EDEM1: variants seen among roughly 807,000 people sequenced by gnomAD.
The protein encoded by EDEM1 is ER degradation-enhancing alpha-mannosidase-like protein 1.
Under a neutral mutation model 74.4 loss-of-function variants are expected in EDEM1, and 67 were observed. That is an observed-to-expected ratio of 0.90 (90% CI 0.74 to 1.10). EDEM1 has a LOEUF of 1.10. Among genes scored for constraint, EDEM1 ranks in the 50% least tolerant of loss-of-function variants. The pLI is 0.00. For synonymous variants in EDEM1, 382 were observed against 335.9 expected (o/e 1.14, Z -1.50); for missense variants, 926 against 851.6 (o/e 1.09, Z -1.09).
chr3:5,199,720 T>G lies in EDEM1; in HGVS notation c.686+25T>G, dbSNP rs139392669. The G allele has an allele frequency of 1.4e-4, 220 of 1,571,518 alleles. 1 individual carries two copies. In the African/African-American group the frequency reaches 2.5e-3, roughly 18 times the overall value. On this transcript the variant is annotated intron_variant, in intron 3 of 11. Coordinates refer to ENST00000256497, the MANE Select transcript of EDEM1 (RefSeq NM_014674.3). ...GGTAAAATAATGAATATTCATAAAA[T>G]GAATTGGAGACTTCTTTTTATGTGT...
chr3:5,195,288 G>C lies in EDEM1; in HGVS notation c.582+7G>C. 1 of 1,528,704 alleles carries C rather than the reference G, an allele frequency of 6.5e-7. No individual in the cohort carries two copies. The highest frequency in any genetic ancestry group is 8.8e-7 in the Non-Finnish European group (1 of 1,133,024). The allele number at this position is 1,528,704 out of a possible 1,614,324, so 94.7% of individuals were successfully genotyped here. A position where few individuals can be genotyped will look rare whatever the true frequency, so the allele number is the denominator to read the frequency against. On this transcript the variant is annotated splice_region_variant and intron_variant, in intron 2 of 11. Coordinates refer to ENST00000256497, the MANE Select transcript of EDEM1 (RefSeq NM_014674.3). Reference sequence around the variant, plus strand: ...TGCATTGGATACACTTGCAGTAAGTGTTCACCTTTTTTTAAAAAAATGAAT... The same window carrying C: ...TGCATTGGATACACTTGCAGTAAGTCTTCACCTTTTTTTAAAAAAATGAAT...
At chr3:5,211,525 C>T (rs1336570125) in intron 10 of EDEM1, 3 of 303,154 alleles carry the variant, frequency 9.9e-6, no homozygotes, top group East Asian at 7.4e-5. Context: ...TCGGGGAAGA[C>T]GCCTCTGAGG....
chr3:5,188,124 C>A lies in EDEM1; in HGVS notation c.319C>A (p.Arg107=). 6.6e-7 allele frequency: 1 copy of A among 1,523,750 alleles called. No individual in the cohort carries two copies. The highest frequency in any genetic ancestry group is 8.8e-7 in the Non-Finnish European group (1 of 1,135,288). 94.4% of individuals were successfully genotyped at this position (1,523,750 alleles called of 1,614,324 possible). The change falls in exon 1 of 12, where the codon CGG becomes AGG. Residue 107 remains arginine, a synonymous_variant. Coordinates refer to ENST00000256497, the MANE Select transcript of EDEM1 (RefSeq NM_014674.3). ...CAACTGGGGCTACGTGCTGGGCGGC[C>A]GGGGCCGCGGCCCGGACGAGTACGA... ...PANWGYVLGG[R]GRGPDEYEKR... is the part of the protein sequence containing the mutation.
rs753471170 is a variant in EDEM1 at position 5,207,110 on chromosome 3, T to C, written c.1218-43T>C. The C allele has an allele frequency of 1.9e-6, 3 of 1,609,088 alleles. No homozygotes were observed. The South Asian group carries it at 3.3e-5, about 18-fold the overall frequency. Reference sequence around the variant, plus strand: ...TGCTGGAGAGGTAGAGATCTGTCAGTGAGCTTTCTTTTCACCACTGAATGT... The same window carrying C: ...TGCTGGAGAGGTAGAGATCTGTCAGCGAGCTTTCTTTTCACCACTGAATGT... On this transcript the variant is annotated intron_variant, in intron 6 of 11. Coordinates refer to ENST00000256497, the MANE Select transcript of EDEM1 (RefSeq NM_014674.3).
chr3:5,192,920 A>ATT (rs201219399), intron 1 of EDEM1, among the ~76,000 whole-genome samples: 13 of 144,008 alleles, frequency 9.0e-5, no homozygotes, highest in African/African-American at 2.6e-4. Context: ...ACTGCAAGTA[A>ATT]TTTTTTTTTT....
rs2054950117 is a variant in EDEM1, at chr3:5,195,233, A to G, written c.534A>G (p.Val178=). ...GDPSNLNIND[V]LGNYSLTLVD... ...GTTCAAATCTGAACATCAATGATGTACTAGGGAACTACTCATTGACTCTTG... is the reference window on the plus strand; with the variant it reads ...GTTCAAATCTGAACATCAATGATGTGCTAGGGAACTACTCATTGACTCTTG... The change falls in exon 2 of 12, where the codon GTA becomes GTG. Residue 178 remains valine, a synonymous_variant. Coordinates refer to ENST00000256497, the MANE Select transcript of EDEM1 (RefSeq NM_014674.3). The G allele has an allele frequency of 1.3e-6, 2 of 1,560,918 alleles. No individual in the cohort carries two copies. The highest frequency in any genetic ancestry group is 3.7e-5 in the Admixed American group (2 of 54,266).
intron 6 of EDEM1, among the ~76,000 whole-genome samples, chr3:5,206,085 T>G (rs1367371977): frequency 6.6e-6 from 1 of 152,164 alleles, no homozygotes; most frequent in Non-Finnish European, 1.5e-5. Context: ...CATTTTTTTT[T>G]CTCTCTGAGT....
In EDEM1 at chr3:5,216,279, G is replaced by A. The variant is rs560521142; in HGVS notation, c.*361G>A. 5.1e-6 allele frequency: 1 copy of A among 195,482 alleles called. No individual in the cohort carries two copies. The highest frequency in any genetic ancestry group is 2.3e-5 in the African/African-American group (1 of 43,222). The allele number at this position is 195,482 out of a possible 1,614,324, so 12.1% of individuals were successfully genotyped here. ...CTGGCACCTGCTATACTGGAGTATT[G>A]CTATGTCTTTAAAAAATTTTTTTTA... On this transcript the variant is annotated 3_prime_UTR_variant, in exon 12 of 12. Transcript: ENST00000256497.
chr3:5,191,715 T>G (rs1184603680), intron 1 of EDEM1, among the ~76,000 whole-genome samples: 2 of 152,202 alleles, frequency 1.3e-5, no homozygotes, highest in African/African-American at 2.4e-5. Context: ...TGTGACTTGT[T>G]CTTGGGGAGG....
rs1243722466 is a variant in EDEM1, at chr3:5,218,910, G to C, written c.*2992G>C. ...CTTACTCATTGTAACTGAATCCTCA[G>C]GGCTTTTCTTGTTTTAGATCATGGA... On this transcript the variant is annotated 3_prime_UTR_variant, in exon 12 of 12. Coordinates refer to ENST00000256497, the MANE Select transcript of EDEM1 (RefSeq NM_014674.3). The C allele has an allele frequency of 6.6e-6, 1 of 151,932 alleles. No individual in the cohort carries two copies. Among genetic ancestry groups the C allele is most frequent in the Non-Finnish European group, 1.5e-5 (1 of 68,000 alleles). 9.4% of individuals were successfully genotyped at this position (151,932 alleles called of 1,614,324 possible). A position where few individuals can be genotyped will look rare whatever the true frequency, so the allele number is the denominator to read the frequency against.
At position 5,199,696 on chromosome 3, in the gene EDEM1, G is replaced by A; in HGVS notation, c.686+1G>A. On this transcript the variant is annotated splice_donor_variant, in intron 3 of 11. Transcript: ENST00000256497. LOFTEE classifies it high-confidence loss of function. ...TCCAAGTCTTTGAGGCCACGATAAG[G>A]TAAAATAATGAATATTCATAAAATG... is the stretch of plus-strand genomic sequence containing the variant. The A allele has an allele frequency of 1.2e-6, 2 of 1,606,448 alleles. No homozygotes were observed. The highest frequency in any genetic ancestry group is 8.5e-7 in the Non-Finnish European group (1 of 1,176,094).
intron 8 of EDEM1, among the ~76,000 whole-genome samples, chr3:5,209,022 C>T (rs1401969265): frequency 6.6e-6 from 1 of 152,098 alleles, no homozygotes; most frequent in Non-Finnish European, 1.5e-5. Context: ...GTAACAGATG[C>T]CCACCGTGGG....
At chr3:5,215,502 T>A (rs1396577495) in intron 11 of EDEM1, among the ~76,000 whole-genome samples, 1 of 152,266 alleles carries the variant, frequency 6.6e-6, no homozygotes, top group African/African-American at 2.4e-5. Flanking sequence ...TCCCTGGATC[T>A]GCCATTTCTT....
At chr3:5,212,471 G>C (rs1328536831) in intron 10 of EDEM1, among the ~76,000 whole-genome samples, 11 of 152,212 alleles carry the variant, frequency 7.2e-5, no homozygotes, top group Non-Finnish European at 2.9e-5. Flanking sequence ...GCGAGTTTTA[G>C]AGTAAAAGGA....
At chr3:5,214,050 C>T (rs2055200905) in intron 11 of EDEM1, among the ~76,000 whole-genome samples, 1 of 152,146 alleles carries the variant, frequency 6.6e-6, no homozygotes, top group Non-Finnish European at 1.5e-5. Flanking sequence ...TCACGATGGT[C>T]CCAATGAAGA....
rs1362183656 is a variant in EDEM1, at chr3:5,188,111, C to T, written c.306C>T (p.Tyr102=). ...PGMCGPANWG[Y]VLGGRGRGPD... ...TGTGCGGCCCAGCCAACTGGGGCTACGTGCTGGGCGGCCGGGGCCGCGGCC... is the reference window on the plus strand; with the variant it reads ...TGTGCGGCCCAGCCAACTGGGGCTATGTGCTGGGCGGCCGGGGCCGCGGCC... The change falls in exon 1 of 12, where the codon TAC becomes TAT. Residue 102 remains tyrosine (Y), a synonymous_variant. Transcript: ENST00000256497. 3 of 1,517,246 alleles carry T rather than the reference C, an allele frequency of 2.0e-6. No homozygotes were observed. Among genetic ancestry groups the T allele is most frequent in the South Asian group, 1.2e-5 (1 of 80,702 alleles). 94.0% of individuals were successfully genotyped at this position (1,517,246 alleles called of 1,614,324 possible).
intron 5 of EDEM1, 106 bp downstream of exon 5, chr3:5,203,255 C>T: frequency 1.2e-5 from 14 of 1,189,334 alleles, no homozygotes; most frequent in Non-Finnish European, 1.6e-5. Flanking sequence ...CAATTGACAA[C>T]TCAGCAAGAA....
At chr3:5,189,302 G>C (rs1281129280) in intron 1 of EDEM1, 1 of 152,246 alleles carries the variant, frequency 6.6e-6, no homozygotes, top group African/African-American at 2.4e-5. Flanking sequence ...GAGGAAAGCA[G>C]TGGAGTCCAG....
Position 5,187,936 on chromosome 3 carries a change from A to G in EDEM1, c.131A>G (p.Gln44Arg), listed in dbSNP as rs866212445. The change falls in exon 1 of 12, where the codon CAG (glutamine) becomes CGG (arginine). Residue 44 changes from glutamine (Q) to arginine (R), a missense_variant. By Grantham distance (43) the Gln-to-Arg change is conservative (BLOSUM62 1). Transcript: ENST00000256497. ...CGCTTTCCGCTCAGCTTCGGCTTCC[A>G]GCGTCTGAGGAGCCCCGACGGCCCC... is the stretch of plus-strand genomic sequence containing the variant. ...YQRFPLSFGF[Q>R]RLRSPDGPAS... 9 of 1,586,022 alleles carry G rather than the reference A, an allele frequency of 5.7e-6. No homozygotes were observed. Among genetic ancestry groups the G allele is most frequent in the East Asian group, 2.3e-5 (1 of 42,940 alleles).
Sources: gnomAD v4.1 joint callset for allele counts (sites outside exome capture counted in the v4.1 genomes callset) on GRCh38, gnomAD v4.1.1 for gene constraint, MANE v1.5 for transcripts, NCBI Gene and HGNC (gene_info 2026-07-23, HGNC 2026-07-21) for gene names.